The following SIPA1L1 variants were observed in gnomAD, a reference collection of about 807,000 sequenced individuals.
SIPA1L1 encodes the protein signal induced proliferation associated 1 like 1, also known as signal-induced proliferation-associated 1-like protein 1.
SIPA1L1 carries 26 observed loss-of-function variants against 162.7 expected under a neutral mutation model. The ratio of observed to expected loss-of-function variants is 0.16; its 90% CI spans 0.12 to 0.22. The LOEUF is 0.22. SIPA1L1 is among the 10% of genes least tolerant of loss of function. The pLI, the probability that SIPA1L1 is intolerant of heterozygous loss-of-function variation, is 1.00. For missense variants in SIPA1L1, 1,874 were observed against 2,241.0 expected (o/e 0.84, Z 3.31); for synonymous variants, 829 against 837.4 (o/e 0.99, Z 0.17).
In SIPA1L1 at chr14:71,709,502, T is replaced by A. The variant is rs2082710899; in HGVS notation, c.4046T>A (p.Ile1349Asn). Residue 1349 changes from isoleucine (I) to asparagine (N), a missense_variant, in exon 17 of 24, where the codon ATC (isoleucine) becomes AAC (asparagine). This residue lies in a region of SIPA1L1 where 936 missense variants were observed against 1,051.9 expected (regional missense o/e 0.89). Transcript: ENST00000381232. ...APLWHSSSEVISMADRTLETE... is the reference protein window; with the variant it reads ...APLWHSSSEVNSMADRTLETE... ...CTATGGCACAGCTCCAGTGAAGTAA[T>A]CTCCATGGCAGATCGGACTTTGGAG... 1.2e-6 allele frequency: 2 copies of A among 1,614,018 alleles called. No individual in the cohort carries two copies. The highest frequency in any genetic ancestry group is 1.7e-5 in the Admixed American group (1 of 60,000).
intron 2 of SIPA1L1, among the ~76,000 whole-genome samples, chr14:71,345,820 G>A (rs2036107806): frequency 1.3e-5 from 2 of 151,866 alleles, no homozygotes; most frequent in African/African-American, 4.8e-5. Flanking sequence ...CGCCTGCCTC[G>A]GCCTCCTAAA....
rs189089562 is a variant in SIPA1L1, at chr14:71,377,740, C to T, written c.-465+56559C>T. On this transcript the variant is annotated intron_variant, in intron 2 of 23. Coordinates refer to ENST00000381232, the MANE Select transcript of SIPA1L1 (RefSeq NM_001386936.1). The surrounding 1 kb of genome is among the most constrained non-coding windows in gnomAD (Gnocchi z 4.8). ...CTGCAATCCTGGCACCTCGGGAGGC[C>T]GAGGCGGGCAGATCACCCGAGTTCA... is the stretch of plus-strand genomic sequence containing the variant. Among the ~76,000 whole-genome samples the T allele has an allele frequency of 3.3e-5, 5 of 152,324 alleles. No individual in the cohort carries two copies. Among genetic ancestry groups the T allele is most frequent in the East Asian group, 1.9e-4 (1 of 5,184 alleles).
At chr14:71,526,603 A>G (rs1162716940) in intron 3 of SIPA1L1, among the ~76,000 whole-genome samples, 1 of 152,152 alleles carries the variant, frequency 6.6e-6, no homozygotes, top group East Asian at 1.9e-4. Context: ...TTATCGGAAC[A>G]CAGCCAAGCC....
Position 71,427,397 on chromosome 14 carries a change from CTAA to C in SIPA1L1, c.-464-85341_-464-85339del, listed in dbSNP as rs1265301250. Among the ~76,000 whole-genome samples, 8 of 152,300 alleles carry C rather than the reference CTAA, an allele frequency of 5.3e-5. No individual in the cohort carries two copies. In the South Asian group the frequency reaches 1.7e-3, roughly 32 times the overall value. ...TCCAAAGTTTCTGATGAGAAAACTG[CTAA>C]TAATCTTAGGAGGATCCTTTGTATG... On this transcript the variant is annotated intron_variant, in intron 2 of 23. Transcript: ENST00000381232.
At chr14:71,330,350 T>C in intron 2 of SIPA1L1, 1 of 849,212 alleles carries the variant, frequency 1.2e-6, no homozygotes, top group Admixed American at 1.7e-5. Flanking sequence ...TGCACAGTCC[T>C]CTCTTTTTGG....
chr14:71,662,455 A>T (rs1001310122), intron 10 of SIPA1L1, among the ~76,000 whole-genome samples: 12 of 152,178 alleles, frequency 7.9e-5, no homozygotes, highest in Admixed American at 7.9e-4. Context: ...AATCTTTAAA[A>T]CCTATGAGGT....
intron 2 of SIPA1L1, among the ~76,000 whole-genome samples, chr14:71,375,643 C>T (rs190103788): frequency 1.1e-4 from 16 of 152,192 alleles, no homozygotes; most frequent in Admixed American, 5.2e-4. Flanking sequence ...AGCATTCTTG[C>T]TTTACTCTTC....
chr14:71,685,320 G>A, intron 12 of SIPA1L1, 42 bp from the exon 13 acceptor site: 3 of 1,601,174 alleles, frequency 1.9e-6, no homozygotes, highest in Non-Finnish European at 2.6e-6. Context: ...GCAAGAAAAA[G>A]CAGTATCCAT....
chr14:71,597,324 C>G (rs1166494346), intron 5 of SIPA1L1, among the ~76,000 whole-genome samples: 3 of 152,080 alleles, frequency 2.0e-5, no homozygotes, highest in Non-Finnish European at 4.4e-5. Flanking sequence ...ATAACCTCCC[C>G]TCCCATTTCT....
At position 71,598,166 on chromosome 14, in the gene SIPA1L1, G is replaced by A. The variant is rs534561367; in HGVS notation, c.1498+8796G>A. 15 of 979,432 alleles carry A rather than the reference G, an allele frequency of 1.5e-5. No homozygotes were observed. The South Asian group carries it at 6.1e-4, about 40-fold the overall frequency. 60.7% of individuals were successfully genotyped at this position (979,432 alleles called of 1,614,324 possible). ...TACAGACAGGTCTGTGTGTGGTCAT[G>A]GTGGTTACCAAGACCACCAATTGAT... On this transcript the variant is annotated intron_variant, in intron 5 of 23. Coordinates refer to ENST00000381232, the MANE Select transcript of SIPA1L1 (RefSeq NM_001386936.1).
At chr14:71,356,567 C>CAAAAAAAAAAAAAAAA (rs71105772) in intron 2 of SIPA1L1, among the ~76,000 whole-genome samples, 3,241 of 39,114 alleles carry the variant, frequency 0.083, 1,252 homozygotes, top group Admixed American at 0.1. Context: ...CTTGTCTCTA[C>CAAAAAAAAAAAAAAAA]AAAAAAAAAA....
chr14:71,656,550 G>GT (rs1214562036), intron 8 of SIPA1L1, among the ~76,000 whole-genome samples: 5 of 152,108 alleles, frequency 3.3e-5, no homozygotes, highest in South Asian at 2.1e-4. Flanking sequence ...GTAATACACA[G>GT]TTTTTTTGTT....
intron 2 of SIPA1L1, among the ~76,000 whole-genome samples, chr14:71,429,361 T>G (rs1341488166): frequency 6.6e-6 from 1 of 151,652 alleles, no homozygotes; most frequent in Non-Finnish European, 1.5e-5. Context: ...TATTTTTGTA[T>G]TTTAGAAACT....
intron 2 of SIPA1L1, among the ~76,000 whole-genome samples, chr14:71,365,582 CA>C (rs1360794346): frequency 1.3e-5 from 2 of 152,090 alleles, no homozygotes; most frequent in African/African-American, 4.8e-5. Flanking sequence ...AAGTTTAGTA[CA>C]TGTTTAAATT....
chr14:71,434,924 A>G (rs2044262335), intron 2 of SIPA1L1, among the ~76,000 whole-genome samples: 1 of 152,232 alleles, frequency 6.6e-6, no homozygotes, highest in African/African-American at 2.4e-5. Flanking sequence ...AAATGGTAGC[A>G]TACTGTACTA....
chr14:71,692,680 A>C (rs745813468), intron 13 of SIPA1L1, among the ~76,000 whole-genome samples: 38 of 152,324 alleles, frequency 2.5e-4, no homozygotes, highest in Admixed American at 2.0e-4. Flanking sequence ...CAAACTCCAG[A>C]GTGGCCCAGG....
chr14:71,498,616 G>A (rs750214024), intron 2 of SIPA1L1, among the ~76,000 whole-genome samples: 1 of 152,164 alleles, frequency 6.6e-6, no homozygotes, highest in South Asian at 2.1e-4. Context: ...CATTGTCTAT[G>A]AGCTGAATAA....
intron 7 of SIPA1L1, among the ~76,000 whole-genome samples, chr14:71,627,614 A>T (rs975635576): frequency 6.6e-6 from 1 of 152,202 alleles, no homozygotes; most frequent in Non-Finnish European, 1.5e-5. Context: ...AGTTGGGGGC[A>T]TCTCATGATA....
At chr14:71,735,491 G>A (rs965461667) in intron 22 of SIPA1L1, 100 bp downstream of exon 22, 5 of 797,066 alleles carry the variant, frequency 6.3e-6, no homozygotes, top group Non-Finnish European at 1.1e-5. Context: ...GAGTAGCTGA[G>A]TGAAGCTGAT....
Sources: allele counts gnomAD v4.1 joint callset (sites outside exome capture counted in the v4.1 genomes callset), GRCh38; gene constraint gnomAD v4.1.1; regional missense constraint gnomAD v4.1.1; non-coding constraint Gnocchi (gnomAD v3.1); transcripts MANE v1.5; gene names NCBI Gene and HGNC (gene_info 2026-07-23, HGNC 2026-07-21).